CTNNA3: variants seen among roughly 807,000 people sequenced by gnomAD.
CTNNA3 encodes the protein catenin alpha-3.
In CTNNA3, 76 loss-of-function variants were observed where a neutral mutation model predicts 95.7. The observed-to-expected ratio is 0.79, with a 90% CI of 0.66 to 0.96. The LOEUF (loss-of-function observed/expected upper bound fraction) is 0.96, where lower values mean the gene tolerates loss of function less well. Among genes scored for constraint, CTNNA3 ranks in the 40% least tolerant of loss-of-function variants. The pLI, the probability that CTNNA3 is intolerant of heterozygous loss-of-function variation, is 0.00. For synonymous variants in CTNNA3, 431 were observed against 374.4 expected (o/e 1.15, Z -1.74); for missense variants, 1,191 against 1,089.8 (o/e 1.09, Z -1.31).
intron 7 of CTNNA3, among the ~76,000 whole-genome samples, chr10:66,885,087 C>A (rs561868805): frequency 1.3e-5 from 2 of 152,062 alleles, no homozygotes; most frequent in Non-Finnish European, 2.9e-5. Context: ...AAGTAATTTA[C>A]AATTTACTCA....
intron 13 of CTNNA3, among the ~76,000 whole-genome samples, chr10:66,197,563 C>T (rs1334630370): frequency 2.0e-5 from 3 of 152,094 alleles, no homozygotes; most frequent in Non-Finnish European, 4.4e-5. Context: ...AAAAAGTATA[C>T]TCTATTAATG....
At chr10:66,682,492 G>A (rs189606462) in intron 9 of CTNNA3, among the ~76,000 whole-genome samples, 3 of 151,974 alleles carry the variant, frequency 2.0e-5, no homozygotes, top group East Asian at 1.9e-4. Flanking sequence ...CAGACATAGA[G>A]AGCAAGAATT....
intron 11 of CTNNA3, among the ~76,000 whole-genome samples, chr10:66,436,894 A>G (rs1185126180): frequency 1.3e-5 from 2 of 152,044 alleles, no homozygotes; most frequent in Non-Finnish European, 2.9e-5. Context: ...TGGTGACAAA[A>G]TCTCTCAGCA....
At chr10:66,199,857 T>A (rs1186503471) in intron 13 of CTNNA3, among the ~76,000 whole-genome samples, 2 of 129,552 alleles carry the variant, frequency 1.5e-5, no homozygotes, top group Non-Finnish European at 3.2e-5. Context: ...TTTCACTGTG[T>A]TGGCTGGGAT....
At chr10:65,995,377 T>A (rs889107332) in intron 15 of CTNNA3, among the ~76,000 whole-genome samples, 4 of 152,208 alleles carry the variant, frequency 2.6e-5, no homozygotes, top group African/African-American at 9.6e-5. Context: ...TCTGGGTGCA[T>A]GCAGTAATGT....
rs182567771 is a variant in CTNNA3, at chr10:66,090,519, T to A, written c.1977+12638A>T. ...CTATGATGTATGTCCATTTTAAAAA[T>A]AAGTAAGCAAAACACAGAAATGTTC... On this transcript the variant is annotated intron_variant, in intron 14 of 17. Coordinates refer to ENST00000433211, the MANE Select transcript of CTNNA3 (RefSeq NM_013266.4). Among the ~76,000 whole-genome samples, 488 of 152,112 alleles carry A rather than the reference T, an allele frequency of 3.2e-3. 8 individuals carry two copies. Among genetic ancestry groups the A allele is most frequent in the African/African-American group, 0.011 (468 of 41,526 alleles).
chr10:66,079,415 T>C (rs1184991687), intron 14 of CTNNA3: 1 of 152,048 alleles, frequency 6.6e-6, no homozygotes, highest in Admixed American at 6.6e-5. Context: ...ATATGAATAG[T>C]ATAACAACTA....
chr10:66,710,662 T>C (rs1848260909), intron 9 of CTNNA3, among the ~76,000 whole-genome samples: 1 of 151,932 alleles, frequency 6.6e-6, no homozygotes, highest in East Asian at 1.9e-4. Context: ...TTCATAATTA[T>C]ATATAAATCT....
At chr10:66,063,322 T>TAC in intron 15 of CTNNA3, among the ~76,000 whole-genome samples, 1 of 86,620 alleles carries the variant, frequency 1.2e-5, no homozygotes, top group Middle Eastern at 6.3e-3. Flanking sequence ...ATATATATAA[T>TAC]ATATATATAT....
chr10:67,065,162 T>C (rs1321384131), intron 7 of CTNNA3, among the ~76,000 whole-genome samples: 1 of 152,130 alleles, frequency 6.6e-6, no homozygotes, highest in African/African-American at 2.4e-5. Flanking sequence ...ATAAACTGTA[T>C]GTATTTATTT....
chr10:66,563,524 T>C (rs1301811568), intron 10 of CTNNA3, among the ~76,000 whole-genome samples: 1 of 152,122 alleles, frequency 6.6e-6, no homozygotes, highest in Non-Finnish European at 1.5e-5. Context: ...CTTTGCTAGT[T>C]GTTTCATATG....
At chr10:67,060,543 CA>C (rs1478226449) in intron 7 of CTNNA3, among the ~76,000 whole-genome samples, 1 of 152,204 alleles carries the variant, frequency 6.6e-6, no homozygotes, top group Non-Finnish European at 1.5e-5. Flanking sequence ...TGCAGTTAGG[CA>C]GCACCAGATA....
intron 11 of CTNNA3, among the ~76,000 whole-genome samples, chr10:66,471,484 G>A (rs1484261701): frequency 2.6e-5 from 4 of 151,486 alleles, no homozygotes; most frequent in African/African-American, 9.7e-5. Flanking sequence ...CCCTTTCTAA[G>A]CTAATTTTCC....
At chr10:66,152,480 T>A (rs1360438098) in intron 13 of CTNNA3, among the ~76,000 whole-genome samples, 1 of 151,842 alleles carries the variant, frequency 6.6e-6, no homozygotes, top group African/African-American at 2.4e-5. Flanking sequence ...GTATAAAAAT[T>A]CTCATGTATA....
chr10:67,559,837 A>T (rs577351158), intron 3 of CTNNA3, among the ~76,000 whole-genome samples: 1 of 152,218 alleles, frequency 6.6e-6, no homozygotes, highest in Admixed American at 6.5e-5. Context: ...TTACGTGAAG[A>T]ATGCAGAAGC....
intron 1 of CTNNA3, among the ~76,000 whole-genome samples, chr10:67,710,616 C>T (rs971558313): frequency 1.3e-5 from 2 of 152,154 alleles, no homozygotes; most frequent in African/African-American, 2.4e-5. Flanking sequence ...TTCAGAAGAA[C>T]ACTTTTCAAG....
chr10:67,118,780 C>T lies in CTNNA3; in HGVS notation c.1047+61537G>A, dbSNP rs115828428. Among the ~76,000 whole-genome samples, 764 of 151,926 alleles carry T rather than the reference C, an allele frequency of 5.0e-3. 6 individuals carry two copies. Among genetic ancestry groups the T allele is most frequent in the African/African-American group, 0.016 (660 of 41,510 alleles). On this transcript the variant is annotated intron_variant, in intron 7 of 17. Coordinates refer to ENST00000433211, the MANE Select transcript of CTNNA3 (RefSeq NM_013266.4). ...CTCCCCTCTCATGAACTAAGCATTT[C>T]TCAATCCTAGTCCATATAAACTACA...
chr10:66,922,628 T>C (rs1846850994), intron 7 of CTNNA3, among the ~76,000 whole-genome samples: 1 of 152,300 alleles, frequency 6.6e-6, no homozygotes, highest in Admixed American at 6.5e-5. Flanking sequence ...ACACAGTTCC[T>C]GGAGGCTGAC....
intron 15 of CTNNA3, among the ~76,000 whole-genome samples, chr10:65,993,815 A>G (rs902120078): frequency 2.0e-5 from 3 of 152,122 alleles, no homozygotes; most frequent in Non-Finnish European, 4.4e-5. Context: ...AGCTCACTGC[A>G]ACCTCCACCT....
Sources: allele counts gnomAD v4.1 joint callset (sites outside exome capture counted in the v4.1 genomes callset), GRCh38; gene constraint gnomAD v4.1.1; transcripts MANE v1.5; gene names NCBI Gene and HGNC (gene_info 2026-07-23, HGNC 2026-07-21).